The following ACTR3 variants were observed in gnomAD, a reference collection of about 807,000 sequenced individuals.
ACTR3 encodes actin related protein 3, also known as actin-related protein 3.
Under a neutral mutation model 56.8 loss-of-function variants are expected in ACTR3, and 12 were observed. The ratio of observed to expected loss-of-function variants is 0.21; its 90% CI spans 0.14 to 0.34. The LOEUF (loss-of-function observed/expected upper bound fraction) is 0.34. Among genes scored for constraint, ACTR3 ranks in the 10% least tolerant of loss-of-function variants. The pLI, the probability that ACTR3 is intolerant of heterozygous loss-of-function variation, is 1.00. For missense variants in ACTR3, 282 were observed against 512.5 expected (o/e 0.55, Z 4.34); for synonymous variants, 162 against 167.4 (o/e 0.97, Z 0.25).
chr2:113,951,499 A>G lies in ACTR3; in HGVS notation c.879A>G (p.Thr293=), dbSNP rs1458424785. Residue 293 remains threonine, a synonymous_variant, in exon 9 of 12, where the codon ACA becomes ACG. Coordinates refer to ENST00000263238, the MANE Select transcript of ACTR3 (RefSeq NM_005721.5). The part of the protein sequence containing the change: ...FHPEFANPDF[T]QPISEVVDEV... ...TTCAGTTTGCTAATCCAGACTTTACACAACCTATCTCAGAAGTTGTAGATG... is the reference window on the plus strand; with the variant it reads ...TTCAGTTTGCTAATCCAGACTTTACGCAACCTATCTCAGAAGTTGTAGATG... 1.9e-6 allele frequency: 3 copies of G among 1,612,120 alleles called. No homozygotes were observed. Among genetic ancestry groups the G allele is most frequent in the African/African-American group, 1.3e-5 (1 of 74,990 alleles).
chr2:113,956,377 AT>A (rs768293151), intron 11 of ACTR3, among the ~76,000 whole-genome samples: 2,415 of 141,720 alleles, frequency 0.017, 45 homozygotes, highest in African/African-American at 0.042. Flanking sequence ...TTTGAATTTA[AT>A]TTTTTTTTTT....
Position 113,958,846 on chromosome 2 carries a change from C to A in ACTR3, c.*1391C>A, listed in dbSNP as rs998308316. The stretch of plus-strand genomic sequence containing the variant: ...AAAATAACACGTTAGGATTGGAATA[C>A]GTCTATTCAAAAGTGAAAGAATATA... On this transcript the variant is annotated 3_prime_UTR_variant, in exon 12 of 12. Transcript: ENST00000263238. 2.4e-4 allele frequency: 36 copies of A among 151,876 alleles called. 1 individual carries two copies. The highest frequency in any genetic ancestry group is 8.0e-4 in the African/African-American group (33 of 41,406). 9.4% of individuals were successfully genotyped at this position (151,876 alleles called of 1,614,324 possible).
intron 4 of ACTR3, 92 bp downstream of exon 4, chr2:113,927,547 T>A: frequency 1.3e-6 from 1 of 775,184 alleles, no homozygotes; most frequent in Non-Finnish European, 2.1e-6. Context: ...CTTTGGTTAT[T>A]AAATTGTCAT....
intron 3 of ACTR3, among the ~76,000 whole-genome samples, chr2:113,924,296 C>CA (rs1157958237): frequency 1.3e-5 from 2 of 151,324 alleles, no homozygotes; most frequent in Non-Finnish European, 2.9e-5. Context: ...AGGCTGGTCT[C>CA]AAACTCCTGG....
At chr2:113,951,669 A>G in intron 9 of ACTR3, 51 bp from the exon 10 acceptor site, 1 of 1,479,860 alleles carries the variant, frequency 6.8e-7, no homozygotes, top group Non-Finnish European at 9.2e-7. Context: ...TATATATTAT[A>G]TCTTTAAACT....
chr2:113,921,947 G>T (rs2104600693), intron 3 of ACTR3, among the ~76,000 whole-genome samples: 1 of 152,286 alleles, frequency 6.6e-6, no homozygotes, highest in East Asian at 1.9e-4. Context: ...AGGAGGAAAA[G>T]TCTGCGAAAG....
At chr2:113,913,328 T>C in intron 2 of ACTR3, 101 bp downstream of exon 2, 1 of 855,554 alleles carries the variant, frequency 1.2e-6, no homozygotes, top group East Asian at 3.0e-5. Context: ...CTAAAAGATT[T>C]AGTCCTTTTA....
intron 1 of ACTR3, among the ~76,000 whole-genome samples, chr2:113,892,946 T>G (rs1211965137): frequency 2.0e-5 from 3 of 152,170 alleles, no homozygotes; most frequent in Non-Finnish European, 4.4e-5. Context: ...ACTCAACATA[T>G]GAATCACCTA....
At chr2:113,913,557 A>G (rs1179110926) in intron 2 of ACTR3, among the ~76,000 whole-genome samples, 1 of 152,226 alleles carries the variant, frequency 6.6e-6, no homozygotes, top group Non-Finnish European at 1.5e-5. Flanking sequence ...TCCATTCCCC[A>G]TCATATACCT....
At position 113,961,384 on chromosome 2, in the gene ACTR3, T is replaced by C. The variant is rs1260517321; in HGVS notation, c.*3929T>C. 3 of 151,428 alleles carry C rather than the reference T, an allele frequency of 2.0e-5. No homozygotes were observed. Among genetic ancestry groups the C allele is most frequent in the East Asian group, 3.9e-4 (2 of 5,176 alleles). The allele number at this position is 151,428 out of a possible 1,614,324, so 9.4% of individuals were successfully genotyped here. ...AGGAACAATAAAAAAGGAACAACGA[T>C]AGAAATACGTGATCTAGGAAAGAAG... On this transcript the variant is annotated 3_prime_UTR_variant, in exon 12 of 12. Transcript: ENST00000263238.
Position 113,931,394 on chromosome 2 carries a change from C to A in ACTR3, c.430C>A (p.Gln144Lys). Residue 144 changes from glutamine to lysine, a missense_variant and splice_region_variant, in exon 5 of 12, where the codon CAG becomes AAG. Physicochemically the swap from Gln to Lys is moderately conservative, Grantham distance 53. Transcript: ENST00000263238. Reference sequence around the variant, plus strand: ...TGTTCCAGGCTTGTACATTGCTGTGCAGGTAAGCAAGTTCATACTTTCTAA... The same window carrying A: ...TGTTCCAGGCTTGTACATTGCTGTGAAGGTAAGCAAGTTCATACTTTCTAA... ...FNVPGLYIAV[Q>K]AVLALAASWT... The A allele has an allele frequency of 6.4e-7, 1 of 1,564,756 alleles. No individual in the cohort carries two copies.
intron 8 of ACTR3, among the ~76,000 whole-genome samples, chr2:113,945,168 G>T (rs1376124002): frequency 6.6e-6 from 1 of 152,096 alleles, no homozygotes; most frequent in Non-Finnish European, 1.5e-5. Flanking sequence ...AAGGTTTTTG[G>T]TGGTACATTT....
intron 4 of ACTR3, 112 bp downstream of exon 4, chr2:113,927,567 T>C (rs1559475534): frequency 4.5e-6 from 3 of 662,344 alleles, no homozygotes; most frequent in Non-Finnish European, 7.6e-6. Flanking sequence ...TATGTCTAAA[T>C]GACTTTGTAA....
At chr2:113,916,825 TA>T in intron 2 of ACTR3, 58 bp from the exon 3 acceptor site, 1 of 1,487,560 alleles carries the variant, frequency 6.7e-7, no homozygotes, top group Non-Finnish European at 9.1e-7. Context: ...AAGTGTAAGG[TA>T]AAAGTTTTTC....
intron 1 of ACTR3, among the ~76,000 whole-genome samples, chr2:113,899,926 T>C (rs1170034689): frequency 6.6e-6 from 1 of 152,246 alleles, no homozygotes; most frequent in Non-Finnish European, 1.5e-5. Context: ...TATTTACTCA[T>C]CTTGCCTTAT....
At chr2:113,899,972 G>C (rs182980146) in intron 1 of ACTR3, among the ~76,000 whole-genome samples, 1 of 152,122 alleles carries the variant, frequency 6.6e-6, no homozygotes, top group East Asian at 1.9e-4. Context: ...AATGGTTTGC[G>C]ATTTATTTGA....
chr2:113,895,324 A>C (rs899876067), intron 1 of ACTR3, among the ~76,000 whole-genome samples: 5 of 152,182 alleles, frequency 3.3e-5, no homozygotes, highest in Non-Finnish European at 5.9e-5. Context: ...CTACTTACCC[A>C]AGATACTGTA....
rs775911261 is a variant in ACTR3, at chr2:113,927,472, A to T, written c.336+17A>T. The T allele has an allele frequency of 1.3e-6, 2 of 1,535,714 alleles. No individual in the cohort carries two copies. The highest frequency in any genetic ancestry group is 1.8e-6 in the Non-Finnish European group (2 of 1,127,936). On this transcript the variant is annotated intron_variant, in intron 4 of 11. Transcript: ENST00000263238. ...TTTCTTTTGGTAAGTTACAAGTTATAATTTCACTGAGGAAATTTTTGAATA... is the reference window on the plus strand; with the variant it reads ...TTTCTTTTGGTAAGTTACAAGTTATTATTTCACTGAGGAAATTTTTGAATA...
intron 6 of ACTR3, among the ~76,000 whole-genome samples, chr2:113,934,929 GAA>G (rs1454208270): frequency 6.6e-6 from 1 of 151,990 alleles, no homozygotes; most frequent in East Asian, 1.9e-4. Context: ...ATGACTACTA[GAA>G]TTCATACTGT....
Sources: allele counts gnomAD v4.1 joint callset (sites outside exome capture counted in the v4.1 genomes callset), GRCh38; gene constraint gnomAD v4.1.1; transcripts MANE v1.5; gene names NCBI Gene and HGNC (gene_info 2026-07-23, HGNC 2026-07-21).